KNTC1: variants seen among roughly 807,000 people sequenced by gnomAD.
The protein encoded by KNTC1 is kinetochore associated 1.
In KNTC1, 253 loss-of-function variants were observed where a neutral mutation model predicts 314.4. The observed-to-expected ratio is 0.80, with a 90% CI of 0.73 to 0.89. The LOEUF is 0.89. KNTC1 is among the 40% of genes least tolerant of loss of function. KNTC1 has a pLI of 0.00. For missense variants in KNTC1, 2,475 were observed against 2,572.9 expected (o/e 0.96, Z 0.82); for synonymous variants, 901 against 901.4 (o/e 1.00, Z 0.01).
At chr12:122,593,092 C>G (rs1304408381) in intron 42 of KNTC1, 1 of 162,060 alleles carries the variant, frequency 6.2e-6, no homozygotes, top group African/African-American at 2.4e-5. Flanking sequence ...AAGAAACTCC[C>G]AACACATCTG....
chr12:122,546,586 A>G, intron 9 of KNTC1, 36 bp from the exon 10 acceptor site: 1 of 1,372,188 alleles, frequency 7.3e-7, no homozygotes, highest in Non-Finnish European at 1.0e-6. Context: ...AAATATTGAA[A>G]TAAAATCCTG....
rs542495956 is a variant in KNTC1, at chr12:122,597,975, C to T, written c.4563+37C>T. 13 of 1,494,294 alleles carry T rather than the reference C, an allele frequency of 8.7e-6. No individual in the cohort carries two copies. The South Asian group carries it at 1.1e-4, about 13-fold the overall frequency. The allele number at this position is 1,494,294 out of a possible 1,614,324, so 92.6% of individuals were successfully genotyped here. On this transcript the variant is annotated intron_variant, in intron 44 of 63. Coordinates refer to ENST00000333479, the MANE Select transcript of KNTC1 (RefSeq NM_014708.6). ...GTGAAATGAATCGGGTCATCTCAGC[C>T]ATCCCTCCCACCCTTAATAATTAGA...
chr12:122,578,802 A>G (rs1419061828), intron 31 of KNTC1, among the ~76,000 whole-genome samples: 1 of 152,204 alleles, frequency 6.6e-6, no homozygotes, highest in Non-Finnish European at 1.5e-5. Context: ...TGCTGTTGGA[A>G]AATGAAGTTA....
intron 18 of KNTC1, among the ~76,000 whole-genome samples, chr12:122,559,144 C>G (rs921794142): frequency 7.9e-5 from 12 of 152,042 alleles, no homozygotes; most frequent in Non-Finnish European, 1.5e-4. Context: ...GTCAGGAGAT[C>G]GAGACCATTG....
chr12:122,613,462 C>T, intron 54 of KNTC1, 164 bp from the exon 55 acceptor site: 1 of 674,064 alleles, frequency 1.5e-6, no homozygotes, highest in East Asian at 2.8e-5. Context: ...TTATCTTGTT[C>T]AAATTGATTT....
At chr12:122,617,341 C>T in intron 57 of KNTC1, 1 of 423,644 alleles carries the variant, frequency 2.4e-6, no homozygotes, top group East Asian at 7.5e-5. Context: ...CCTGAAGTTA[C>T]TTAACCACTC....
At chr12:122,560,592 T>C (rs1042854511) in intron 18 of KNTC1, among the ~76,000 whole-genome samples, 1 of 152,088 alleles carries the variant, frequency 6.6e-6, no homozygotes, top group African/African-American at 2.4e-5. Flanking sequence ...AGACTAGTCT[T>C]GAACCCTGAC....
At chr12:122,550,127 AG>A (rs1307831120) in intron 13 of KNTC1, among the ~76,000 whole-genome samples, 1 of 151,520 alleles carries the variant, frequency 6.6e-6, no homozygotes, top group Non-Finnish European at 1.5e-5. Flanking sequence ...GTGTCTCTAC[AG>A]GAAGTATAGA....
chr12:122,544,638 A>T (rs75740623), intron 8 of KNTC1, among the ~76,000 whole-genome samples: 14,313 of 152,158 alleles, frequency 0.094, 2,271 homozygotes, highest in African/African-American at 0.32. Context: ...CTTCAAAATT[A>T]TGGTCATCAT....
chr12:122,602,954 T>C, intron 47 of KNTC1, 67 bp downstream of exon 47: 4 of 1,559,344 alleles, frequency 2.6e-6, no homozygotes, highest in Non-Finnish European at 3.5e-6. Context: ...GTATAGAAGA[T>C]TTTTCTGCTG....
intron 32 of KNTC1, 104 bp from the exon 33 acceptor site, chr12:122,580,499 A>C (rs1167422979): frequency 1.5e-6 from 1 of 668,072 alleles, no homozygotes; most frequent in African/African-American, 1.9e-5. Context: ...ACTACTGAAG[A>C]CTTGAGATGA....
intron 51 of KNTC1, among the ~76,000 whole-genome samples, chr12:122,606,542 A>G (rs1308226780): frequency 2.0e-5 from 3 of 151,850 alleles, no homozygotes; most frequent in African/African-American, 7.3e-5. Context: ...TTTTGTTTAA[A>G]TATTGTTTTG....
chr12:122,539,723 T>A lies in KNTC1; in HGVS notation c.414T>A (p.Asn138Lys). The change falls in exon 5 of 64, where the codon AAT becomes AAA. Residue 138 changes from asparagine to lysine, a missense_variant. By Grantham distance (94) the Asn-to-Lys change is moderately conservative. Transcript: ENST00000333479. ...ANDENRRTYQNLVIEKDGSNE... is the reference protein window; with the variant it reads ...ANDENRRTYQKLVIEKDGSNE... Reference sequence around the variant, plus strand: ...ATGAAAATCGGCGGACTTACCAGAATCTTGTCATTGAGAAGGATGGTTCAA... The same window carrying A: ...ATGAAAATCGGCGGACTTACCAGAAACTTGTCATTGAGAAGGATGGTTCAA... 1 of 1,582,290 alleles carries A rather than the reference T, an allele frequency of 6.3e-7. No homozygotes were observed. The highest frequency in any genetic ancestry group is 1.2e-5 in the South Asian group (1 of 85,560).
At chr12:122,596,544 AC>A (rs879795110) in intron 43 of KNTC1, among the ~76,000 whole-genome samples, 12 of 151,812 alleles carry the variant, frequency 7.9e-5, no homozygotes, top group African/African-American at 1.9e-4. Context: ...AAAAAAAAAA[AC>A]AAAACAGCTT....
In KNTC1 at chr12:122,561,922, T is replaced by C; in HGVS notation, c.1490T>C (p.Leu497Pro). ...QEMLNYAKTR[L>P]LKKEDKTALI... ...GTATTTCTTATTATTCTTACTTAGC[T>C]TTTGAAGAAAGAAGATAAAACTGCT... Residue 497 changes from leucine (L) to proline (P), a missense_variant and splice_region_variant, in exon 19 of 64, where the codon CTT becomes CCT. By Grantham distance (98) the Leu-to-Pro change is moderately conservative. Transcript: ENST00000333479. The C allele has an allele frequency of 6.4e-7, 1 of 1,573,526 alleles. No individual in the cohort carries two copies. The highest frequency in any genetic ancestry group is 2.2e-5 in the East Asian group (1 of 44,478).
In KNTC1 at chr12:122,602,893, G is replaced by T; in HGVS notation, c.4884+6G>T. 1 of 1,595,972 alleles carries T rather than the reference G, an allele frequency of 6.3e-7. No individual in the cohort carries two copies. On this transcript the variant is annotated splice_donor_region_variant and intron_variant, in intron 47 of 63. Coordinates refer to ENST00000333479, the MANE Select transcript of KNTC1 (RefSeq NM_014708.6). ...TAATTTCGAAATTAATGAAGGTAATGGATTAAAACATTGTAAGACATTTCT... is the reference window on the plus strand; with the variant it reads ...TAATTTCGAAATTAATGAAGGTAATTGATTAAAACATTGTAAGACATTTCT...
intron 40 of KNTC1, 79 bp downstream of exon 40, chr12:122,588,895 G>A: frequency 1.2e-6 from 1 of 825,340 alleles, no homozygotes. Flanking sequence ...TGACTCAATA[G>A]TTTATGATTC....
chr12:122,577,103 G>T, intron 30 of KNTC1, 74 bp downstream of exon 30: 1 of 1,199,198 alleles, frequency 8.3e-7, no homozygotes, highest in Non-Finnish European at 1.1e-6. Flanking sequence ...TTTGAGACAG[G>T]GTCTCGCTCC....
chr12:122,588,441 A>G (rs1869681806), intron 39 of KNTC1, among the ~76,000 whole-genome samples: 3 of 152,206 alleles, frequency 2.0e-5, no homozygotes, highest in Admixed American at 1.3e-4. Context: ...GTATTGAGGT[A>G]TAACTTTCAA....
Sources: allele counts gnomAD v4.1 joint callset (sites outside exome capture counted in the v4.1 genomes callset), GRCh38; gene constraint gnomAD v4.1.1; transcripts MANE v1.5; gene names NCBI Gene and HGNC (gene_info 2026-07-23, HGNC 2026-07-21).